The following PANK2 variants were observed in gnomAD, a reference collection of about 807,000 sequenced individuals.
PANK2 encodes the protein pantothenate kinase 2, mitochondrial.
In PANK2, 36 loss-of-function variants were observed where a neutral mutation model predicts 43.1. That is an observed-to-expected ratio of 0.84 (90% CI 0.64 to 1.10). The LOEUF (loss-of-function observed/expected upper bound fraction) is 1.10. Among genes scored for constraint, PANK2 ranks in the 50% least tolerant of loss-of-function variants. PANK2 has a pLI of 0.00. For synonymous variants in PANK2, 281 were observed against 238.2 expected, an observed-to-expected ratio of 1.18 and a Z score of -1.66; for missense variants, 576 against 593.3, an observed-to-expected ratio of 0.97 and a Z score of 0.30.
At chr20:3,889,770 CCCT>C in intron 1 of PANK2, 42 bp downstream of exon 1, 1 of 1,574,662 alleles carries the variant, frequency 6.4e-7, no homozygotes, top group South Asian at 1.1e-5. Context: ...GCCCTGCCCC[CCCT>C]TCCGGCCCAC....
chr20:3,920,469 A>T (rs1020628133), intron 6 of PANK2, among the ~76,000 whole-genome samples: 1 of 152,178 alleles, frequency 6.6e-6, no homozygotes, highest in Non-Finnish European at 1.5e-5. Flanking sequence ...GTGAGCTGAG[A>T]TCGCACCACT....
intron 1 of PANK2, among the ~76,000 whole-genome samples, chr20:3,892,623 C>G (rs112314470): frequency 6.1e-5 from 8 of 131,752 alleles, no homozygotes; most frequent in Non-Finnish European, 9.2e-5. Context: ...TTGCAGTGAT[C>G]GAAGATCGCG....
intron 3 of PANK2, among the ~76,000 whole-genome samples, chr20:3,911,197 A>ATG (rs1491307852): frequency 6.6e-6 from 1 of 152,112 alleles, no homozygotes; most frequent in Non-Finnish European, 1.5e-5. Context: ...TTCCACACAC[A>ATG]TGTGTGTGTA....
intron 1 of PANK2, 43 bp downstream of exon 1, chr20:3,889,771 C>T (rs553092160): frequency 2.6e-5 from 41 of 1,575,008 alleles, no homozygotes; most frequent in Admixed American, 3.5e-5. Context: ...CCCTGCCCCC[C>T]CTTCCGGCCC....
Position 3,912,595 on chromosome 20 carries a change from A to G in PANK2, c.1043A>G (p.Tyr348Cys), listed in dbSNP as rs773996303. ...GTACGAGATATTTATGGAGGGGACT[A>G]TGAGAGGTTTGGACTGCCAGGCTGG... The change falls in exon 4 of 7, where the codon TAT becomes TGT. Residue 348 changes from tyrosine to cysteine, a missense_variant. Physicochemically the swap from Tyr to Cys is radical, Grantham distance 194. Around this residue, in one of 2 missense-constraint regions of PANK2, gnomAD observed 544 missense variants for 528.9 expected, o/e 1.03. Coordinates refer to ENST00000610179, the MANE Select transcript of PANK2 (RefSeq NM_001386393.1). The G allele has an allele frequency of 9.9e-6, 16 of 1,614,098 alleles. No individual in the cohort carries two copies. Among genetic ancestry groups the G allele is most frequent in the Admixed American group, 1.7e-5 (1 of 60,000 alleles).
At chr20:3,906,020 C>T (rs1158012157) in intron 1 of PANK2, among the ~76,000 whole-genome samples, 2 of 151,970 alleles carry the variant, frequency 1.3e-5, no homozygotes, top group African/African-American at 4.8e-5. Context: ...CCGGCCTAAA[C>T]CCACATCTTT....
At chr20:3,896,838 A>G (rs1311288819) in intron 1 of PANK2, among the ~76,000 whole-genome samples, 1 of 152,152 alleles carries the variant, frequency 6.6e-6, no homozygotes, top group Admixed American at 6.5e-5. Context: ...ATATCTTTAT[A>G]ATAAACCAGT....
intron 1 of PANK2, among the ~76,000 whole-genome samples, chr20:3,900,284 C>T (rs1378658730): frequency 6.6e-6 from 1 of 151,820 alleles, no homozygotes; most frequent in Admixed American, 6.6e-5. Flanking sequence ...TGGTGACTCT[C>T]CTTTCCCCTG....
In PANK2 at chr20:3,910,840, A is replaced by G. The variant is rs371962199; in HGVS notation, c.905+10A>G. Reference sequence around the variant, plus strand: ...GGGTCACAGGTACTAGGTAAGTTGTATATAAAACTCACTGTTTATTCTTAG... The same window carrying G: ...GGGTCACAGGTACTAGGTAAGTTGTGTATAAAACTCACTGTTTATTCTTAG... On this transcript the variant is annotated intron_variant, in intron 3 of 6. Transcript: ENST00000610179. The G allele has an allele frequency of 1.9e-6, 3 of 1,614,084 alleles. No homozygotes were observed. Among genetic ancestry groups the G allele is most frequent in the Non-Finnish European group, 1.7e-6 (2 of 1,179,964 alleles).
rs1351027608 is a variant in PANK2 at position 3,898,273 on chromosome 20, A to G, written c.298+8545A>G. On this transcript the variant is annotated intron_variant, in intron 1 of 6. Transcript: ENST00000610179. ...AGAGTGCAGTGGCACGATCTTGGCT[A>G]ACTGCAGTCTCTGCCTCCCGGGTTC... 2.0e-5 allele frequency among the ~76,000 whole-genome samples: 3 copies of G among 151,976 alleles called. No homozygotes were observed. The East Asian group carries it at 5.8e-4, about 29-fold the overall frequency.
At chr20:3,896,823 T>C (rs527863743) in intron 1 of PANK2, among the ~76,000 whole-genome samples, 64 of 152,308 alleles carry the variant, frequency 4.2e-4, no homozygotes, top group African/African-American at 1.5e-3. Context: ...TCTGAATCTT[T>C]TGAAATATCT....
chr20:3,889,006 G>A, upstream of PANK2: 2 of 1,017,344 alleles, frequency 2.0e-6, no homozygotes, highest in Non-Finnish European at 2.8e-6. Flanking sequence ...AGGACGGCAC[G>A]GAGCAGCGGG....
rs572036316 is a variant in PANK2 at position 3,928,430 on chromosome 20, C to T, written c.*5136C>T. The T allele has an allele frequency of 4.6e-5, 7 of 152,320 alleles. No homozygotes were observed. The highest frequency in any genetic ancestry group is 3.3e-4 in the Admixed American group (5 of 15,296). The allele number at this position is 152,320 out of a possible 1,614,324, so 9.4% of individuals were successfully genotyped here. On this transcript the variant is annotated 3_prime_UTR_variant, in exon 7 of 7. Transcript: ENST00000610179. The stretch of plus-strand genomic sequence containing the variant: ...GGCTGCCTGGAGGAAGCAGCTCTAA[C>T]TTTCATCAGCGGGGACAAAAATGAA...
At position 3,889,394 on chromosome 20, in the gene PANK2, C is replaced by G. The variant is rs763074685; in HGVS notation, c.-37C>G. 2 of 1,574,410 alleles carry G rather than the reference C, an allele frequency of 1.3e-6. No homozygotes were observed. The highest frequency in any genetic ancestry group is 3.7e-5 in the Admixed American group (2 of 53,630). On this transcript the variant is annotated 5_prime_UTR_variant, in exon 1 of 7. Coordinates refer to ENST00000610179, the MANE Select transcript of PANK2 (RefSeq NM_001386393.1). ...GGCCGAGGGCGCGCCTCTGCTCTGG[C>G]TGGACTGCCGCGGAGGAGGCGAGAA...
At chr20:3,913,434 CCCAGGTTCAAGCAATTCT>C (rs1224323935) in intron 4 of PANK2, among the ~76,000 whole-genome samples, 1 of 151,926 alleles carries the variant, frequency 6.6e-6, no homozygotes. Flanking sequence ...ACCCCCACCT[CCCAGGTTCAAGCAATTCT>C]CCTGCCTCAG....
intron 3 of PANK2, 152 bp from the exon 4 acceptor site, chr20:3,912,306 G>A: frequency 1.2e-6 from 1 of 806,030 alleles, no homozygotes; most frequent in South Asian, 1.6e-5. Flanking sequence ...TGTATATCAG[G>A]CACCTTATCT....
At position 3,889,623 on chromosome 20, in the gene PANK2, GT is replaced by G. The variant is rs2146805376; in HGVS notation, c.194del (p.Val65AlafsTer30). 1 of 1,550,626 alleles carries G rather than the reference GT, an allele frequency of 6.4e-7. No individual in the cohort carries two copies. Among genetic ancestry groups the G allele is most frequent in the East Asian group, 2.4e-5 (1 of 41,208 alleles). ...GGCGAGCAGCGCGTCGGTGCCCGCG[GT>G]CGGGGCCTCGGCTGAGGGCACGAGG... is the stretch of plus-strand genomic sequence containing the variant. On this transcript the variant is annotated frameshift_variant, in exon 1 of 7. Coordinates refer to ENST00000610179, the MANE Select transcript of PANK2 (RefSeq NM_001386393.1). LOFTEE classifies it high-confidence loss of function.
upstream of PANK2, chr20:3,888,782 T>G: frequency 3.0e-6 from 1 of 333,476 alleles, no homozygotes; most frequent in Non-Finnish European, 5.5e-6. Flanking sequence ...AGTCCTTTCA[T>G]TCCTTCTGGT....
chr20:3,897,219 A>G (rs922390012), intron 1 of PANK2, among the ~76,000 whole-genome samples: 2 of 152,200 alleles, frequency 1.3e-5, no homozygotes, highest in Non-Finnish European at 2.9e-5. Context: ...TCAGTCGTTG[A>G]GACCTATTAT....
Sources: gnomAD v4.1 joint callset for allele counts (sites outside exome capture counted in the v4.1 genomes callset) on GRCh38, gnomAD v4.1.1 for gene constraint, gnomAD v4.1.1 regional missense constraint, MANE v1.5 for transcripts, NCBI Gene and HGNC (gene_info 2026-07-23, HGNC 2026-07-21) for gene names.